ITPR2: variants seen among roughly 807,000 people sequenced by gnomAD.
ITPR2 encodes the protein inositol 1,4,5-trisphosphate receptor type 2, also known as inositol 1,4,5-trisphosphate-gated calcium channel ITPR2.
A neutral mutation model predicts 317.1 loss-of-function variants in ITPR2; 207 were observed. The ratio of observed to expected loss-of-function variants is 0.65; its 90% CI spans 0.58 to 0.73. ITPR2 has a LOEUF of 0.73. Ranked by LOEUF, ITPR2 falls within the 30% of genes least tolerant of loss-of-function variation. The probability of loss-of-function intolerance (pLI) is 0.00; values close to 1 mark genes in which losing one functional copy is unlikely to be tolerated. For missense variants in ITPR2, 2,613 were observed against 3,284.0 expected (o/e 0.80, Z 4.99); for synonymous variants, 1,156 against 1,149.1 (o/e 1.01, Z -0.12).
At chr12:26,496,350 C>G (rs1565561188) in intron 37 of ITPR2, among the ~76,000 whole-genome samples, 1 of 152,212 alleles carries the variant, frequency 6.6e-6, no homozygotes. Context: ...ACATGTAGCT[C>G]TCATTGCTCA....
rs1945957770 is a variant in ITPR2, at chr12:26,600,068, T to C, written c.3720A>G (p.Thr1240=). The change falls in exon 29 of 57, where the codon ACA becomes ACG. Residue 1240 remains threonine (T), a synonymous_variant. Coordinates refer to ENST00000381340, the MANE Select transcript of ITPR2 (RefSeq NM_002223.4). The part of the protein sequence containing the change: ...KMNEVMNLAH[T]FLQNFCRGNP... ...TTCCTCGACAGAAATTCTGCAGAAA[T>C]GTATGGGCTAGATTCATTACTTCAT... is the stretch of plus-strand genomic sequence containing the variant. The C allele has an allele frequency of 2.5e-6, 4 of 1,605,924 alleles. No individual in the cohort carries two copies. Among genetic ancestry groups the C allele is most frequent in the Non-Finnish European group, 3.4e-6 (4 of 1,172,914 alleles).
intron 9 of ITPR2, among the ~76,000 whole-genome samples, chr12:26,698,982 G>C (rs1042642081): frequency 2.0e-5 from 3 of 150,610 alleles, no homozygotes; most frequent in Non-Finnish European, 4.4e-5. Flanking sequence ...TTTGTCTTCT[G>C]CTTGAAAAAT....
chr12:26,342,414 G>C (rs1157175215), intron 55 of ITPR2, among the ~76,000 whole-genome samples: 1 of 149,228 alleles, frequency 6.7e-6, no homozygotes, highest in Non-Finnish European at 1.5e-5. Context: ...GATATGGTTT[G>C]TCTGCGTTCT....
intron 2 of ITPR2, among the ~76,000 whole-genome samples, chr12:26,730,916 C>T (rs1029562541): frequency 6.6e-6 from 1 of 152,164 alleles, no homozygotes; most frequent in African/African-American, 2.4e-5. Flanking sequence ...GGAAATCTGG[C>T]AGGAAATCAG....
At chr12:26,660,928 A>T (rs1248794033) in intron 15 of ITPR2, among the ~76,000 whole-genome samples, 1 of 151,720 alleles carries the variant, frequency 6.6e-6, no homozygotes, top group African/African-American at 2.4e-5. Context: ...AGAAAAACAA[A>T]GTAATTATAG....
intron 1 of ITPR2, among the ~76,000 whole-genome samples, chr12:26,798,048 G>A (rs1037352645): frequency 4.0e-5 from 6 of 151,858 alleles, no homozygotes; most frequent in East Asian, 1.9e-4. Flanking sequence ...ATCCCCCAAC[G>A]CTGGGATTTT....
Position 26,487,112 on chromosome 12 carries a change from CT to C in ITPR2, c.5509del (p.Arg1837GlyfsTer7). The C allele has an allele frequency of 1.2e-6, 2 of 1,612,474 alleles. No individual in the cohort carries two copies. Among genetic ancestry groups the C allele is most frequent in the Admixed American group, 1.7e-5 (1 of 59,658 alleles). ...TGTCATCAATTCATTGTCATCGTCC[CT>C]TTTTTTGTTACCTAAATCTATGGTA... ...VNTIDLGNKK[R>X]DDDNELMTSG... On this transcript the variant is annotated frameshift_variant, in exon 40 of 57. Coordinates refer to ENST00000381340, the MANE Select transcript of ITPR2 (RefSeq NM_002223.4). LOFTEE classifies it high-confidence loss of function.
intron 13 of ITPR2, among the ~76,000 whole-genome samples, chr12:26,676,010 T>C (rs1565684891): frequency 6.6e-6 from 1 of 151,588 alleles, no homozygotes; most frequent in East Asian, 2.0e-4. Flanking sequence ...ATACAAAAAT[T>C]AGCTAGGTGT....
intron 19 of ITPR2, among the ~76,000 whole-genome samples, 166 bp from the exon 20 acceptor site, chr12:26,656,018 C>T (rs1013837921): frequency 4.6e-5 from 7 of 152,114 alleles, no homozygotes; most frequent in Non-Finnish European, 8.8e-5. Flanking sequence ...TGAGTTAGCA[C>T]GTGTAAAGCA....
At chr12:26,719,793 T>C (rs575787156) in intron 5 of ITPR2, among the ~76,000 whole-genome samples, 20 of 152,270 alleles carry the variant, frequency 1.3e-4, no homozygotes, top group African/African-American at 4.8e-4. Flanking sequence ...GCACACACTT[T>C]TTCTAAAACG....
chr12:26,541,809 A>G (rs1413468905), intron 37 of ITPR2, among the ~76,000 whole-genome samples: 2 of 152,138 alleles, frequency 1.3e-5, no homozygotes, highest in Non-Finnish European at 2.9e-5. Flanking sequence ...GAAATAAAAG[A>G]TTAGTTACAA....
chr12:26,480,439 T>C (rs1942520603), intron 43 of ITPR2, among the ~76,000 whole-genome samples: 1 of 152,232 alleles, frequency 6.6e-6, no homozygotes, highest in Non-Finnish European at 1.5e-5. Context: ...AATGCAGCAC[T>C]CCTTTGACTT....
intron 45 of ITPR2, among the ~76,000 whole-genome samples, chr12:26,453,716 T>C (rs1565535315): frequency 6.6e-6 from 1 of 152,208 alleles, no homozygotes; most frequent in African/African-American, 2.4e-5. Context: ...ATTACTTGAG[T>C]TGCTTCTTCC....
At chr12:26,536,444 A>G (rs1464646207) in intron 37 of ITPR2, among the ~76,000 whole-genome samples, 1 of 152,178 alleles carries the variant, frequency 6.6e-6, no homozygotes, top group Non-Finnish European at 1.5e-5. Context: ...TGAGGTGAAT[A>G]AGAAGAGGAA....
chr12:26,789,929 A>G (rs920376240), intron 2 of ITPR2, among the ~76,000 whole-genome samples: 1 of 152,250 alleles, frequency 6.6e-6, no homozygotes, highest in African/African-American at 2.4e-5. Context: ...TTTCCTTTTA[A>G]CAGATAGACC....
At chr12:26,339,779 T>C (rs1310226425) in intron 56 of ITPR2, among the ~76,000 whole-genome samples, 1 of 152,200 alleles carries the variant, frequency 6.6e-6, no homozygotes, top group African/African-American at 2.4e-5. Flanking sequence ...CTGTTGATAT[T>C]TTTACTAACA....
chr12:26,531,569 T>C (rs895760982), intron 37 of ITPR2, among the ~76,000 whole-genome samples: 4 of 152,212 alleles, frequency 2.6e-5, no homozygotes, highest in African/African-American at 4.8e-5. Context: ...TCCAGAATAA[T>C]GTATCTCAGA....
At chr12:26,552,788 C>T (rs10842755) in intron 36 of ITPR2, among the ~76,000 whole-genome samples, 76,310 of 151,952 alleles carry the variant, frequency 0.5, 23,895 homozygotes, top group Non-Finnish European at 0.71. Flanking sequence ...AAAATCGTTT[C>T]GGTGGACATG....
chr12:26,429,924 A>G (rs1941160219), intron 48 of ITPR2, among the ~76,000 whole-genome samples: 2 of 152,234 alleles, frequency 1.3e-5, no homozygotes, highest in South Asian at 4.1e-4. Context: ...AGATAGTCAC[A>G]TTGTGCATTG....
Sources: allele counts gnomAD v4.1 joint callset (sites outside exome capture counted in the v4.1 genomes callset), GRCh38; gene constraint gnomAD v4.1.1; transcripts MANE v1.5; gene names NCBI Gene and HGNC (gene_info 2026-07-23, HGNC 2026-07-21).